Variants in PI4KA observed in about 807,000 individuals in gnomAD.
The protein encoded by PI4KA is PI4-kinase alpha.
In PI4KA, 122 loss-of-function variants were observed where a neutral mutation model predicts 271.4. The observed-to-expected ratio is 0.45, with a 90% CI of 0.39 to 0.52. PI4KA has a LOEUF of 0.52. Among genes scored for constraint, PI4KA ranks in the 20% least tolerant of loss-of-function variants. The pLI is 0.00. For synonymous variants in PI4KA, 1,041 were observed against 1,078.8 expected, an observed-to-expected ratio of 0.96 and a Z score of 0.69; for missense variants, 1,969 against 2,769.1, an observed-to-expected ratio of 0.71 and a Z score of 6.48.
chr22:20,797,457 T>C (rs981332027), intron 17 of PI4KA, among the ~76,000 whole-genome samples: 5 of 151,774 alleles, frequency 3.3e-5, no homozygotes, highest in Non-Finnish European at 5.9e-5. Flanking sequence ...AAGGAAGCAA[T>C]GTGTTGGCCT....
intron 10 of PI4KA, among the ~76,000 whole-genome samples, chr22:20,806,196 T>C (rs1032492241): frequency 1.3e-5 from 2 of 152,174 alleles, no homozygotes; most frequent in African/African-American, 4.8e-5. Flanking sequence ...TGACAAAATA[T>C]TATGTGCTCA....
At chr22:20,732,256 T>C (rs942757657) in intron 36 of PI4KA, among the ~76,000 whole-genome samples, 1 of 152,136 alleles carries the variant, frequency 6.6e-6, no homozygotes, top group Non-Finnish European at 1.5e-5. Flanking sequence ...GGTGAGCACC[T>C]GTAGTTCCAG....
intron 41 of PI4KA, 43 bp from the exon 42 acceptor site, chr22:20,726,584 A>G: frequency 6.5e-7 from 1 of 1,545,092 alleles, no homozygotes; most frequent in Non-Finnish European, 8.8e-7. Flanking sequence ...CTGAGAGCAG[A>G]GCCACCCAAC....
intron 3 of PI4KA, among the ~76,000 whole-genome samples, chr22:20,827,099 T>TCATTAAATTTTTGC (rs895586501): frequency 2.0e-5 from 3 of 152,224 alleles, no homozygotes; most frequent in African/African-American, 7.2e-5. Flanking sequence ...GGCATCTTTG[T>TCATTAAATTTTTGC]CATTAAATTT....
At chr22:20,836,758 C>T (rs1246645730) in intron 2 of PI4KA, among the ~76,000 whole-genome samples, 2 of 152,190 alleles carry the variant, frequency 1.3e-5, no homozygotes, top group African/African-American at 4.8e-5. Flanking sequence ...CGGTGGGCTG[C>T]CCTGGACATA....
chr22:20,721,153 T>C, intron 43 of PI4KA, 145 bp downstream of exon 43: 1 of 797,166 alleles, frequency 1.3e-6, no homozygotes, highest in East Asian at 2.5e-5. Context: ...TGCTGAAAGG[T>C]GAGAAGTGCC....
intron 12 of PI4KA, among the ~76,000 whole-genome samples, chr22:20,803,612 C>T (rs1450486705): frequency 6.6e-6 from 1 of 152,228 alleles, no homozygotes; most frequent in East Asian, 1.9e-4. Context: ...GCAGCCTTGA[C>T]TTACTGGGCT....
At chr22:20,759,890 G>T (rs1390484343) in intron 23 of PI4KA, among the ~76,000 whole-genome samples, 1 of 151,974 alleles carries the variant, frequency 6.6e-6, no homozygotes, top group African/African-American at 2.4e-5. Context: ...AGTAGAGACG[G>T]GGTTTCACCA....
chr22:20,774,505 G>A (rs1454925864), intron 19 of PI4KA, among the ~76,000 whole-genome samples: 4 of 152,242 alleles, frequency 2.6e-5, no homozygotes, highest in Non-Finnish European at 4.4e-5. Context: ...GCTCACGCCT[G>A]TAATCCCAAC....
intron 19 of PI4KA, chr22:20,787,178 C>A: frequency 1.0e-6 from 1 of 1,003,238 alleles, no homozygotes; most frequent in Non-Finnish European, 1.5e-6. Flanking sequence ...CGCTACCAAT[C>A]TGAATTCGAG....
At position 20,749,053 on chromosome 22, in the gene PI4KA, T is replaced by C. The variant is rs117147944; in HGVS notation, c.3243+852A>G. 1.6e-4 allele frequency among the ~76,000 whole-genome samples: 25 copies of C among 152,344 alleles called. No individual in the cohort carries two copies. The East Asian group carries it at 4.1e-3, about 25-fold the overall frequency. On this transcript the variant is annotated intron_variant, in intron 28 of 54. Transcript: ENST00000255882. The stretch of plus-strand genomic sequence containing the variant: ...AGCTGCTTTTTTTGTCCACTTAAAC[T>C]TTCTAGGCATTAGAGGGGGCCTCCC...
intron 17 of PI4KA, chr22:20,798,338 A>G: frequency 2.1e-6 from 1 of 481,986 alleles, no homozygotes; most frequent in South Asian, 2.2e-5. Flanking sequence ...GGTCAGCTGC[A>G]TGTGCAGCAT....
At chr22:20,773,685 C>T (rs1007409075) in intron 19 of PI4KA, among the ~76,000 whole-genome samples, 2 of 152,184 alleles carry the variant, frequency 1.3e-5, no homozygotes, top group Non-Finnish European at 2.9e-5. Context: ...CGCCTAGTAG[C>T]TGAGCCAGCC....
At position 20,816,017 on chromosome 22, in the gene PI4KA, G is replaced by A. The variant is rs147704130; in HGVS notation, c.856+2466C>T. ...TGCAGTGTCACGATGTCTGCTCACC[G>A]CAACCTGCGTCTCCCAGGTTCAAGT... On this transcript the variant is annotated intron_variant, in intron 7 of 54. Transcript: ENST00000255882. 2.5e-3 allele frequency among the ~76,000 whole-genome samples: 373 copies of A among 151,274 alleles called. 1 individual carries two copies. Among genetic ancestry groups the A allele is most frequent in the African/African-American group, 8.6e-3 (355 of 41,208 alleles).
chr22:20,771,986 T>G (rs900783061), intron 19 of PI4KA, among the ~76,000 whole-genome samples: 5 of 152,208 alleles, frequency 3.3e-5, no homozygotes, highest in Non-Finnish European at 5.9e-5. Context: ...TCCCAGACCA[T>G]TTCTGTGAAT....
At position 20,765,579 on chromosome 22, in the gene PI4KA, C is replaced by G. The variant is rs200009013; in HGVS notation, c.2437+6G>C. The G allele has an allele frequency of 6.4e-7, 1 of 1,569,410 alleles. No homozygotes were observed. The highest frequency in any genetic ancestry group is 1.3e-5 in the African/African-American group (1 of 74,250). ...GTCTTCACTGGGAGAGAGATGATCC[C>G]CCTACCTGAGCCCTCCACAGCGAAT... is the stretch of plus-strand genomic sequence containing the variant. On this transcript the variant is annotated splice_donor_region_variant and intron_variant, in intron 20 of 54. Transcript: ENST00000255882.
rs367918669 is a variant in PI4KA at position 20,769,625 on chromosome 22, C to T, written c.2329-3932G>A. On this transcript the variant is annotated intron_variant, in intron 19 of 54. Transcript: ENST00000255882. ...CCGAGGTTGCAGTGAGCCAAGATTG[C>T]GCCACTGCACTGCAGCCTGGGCGAC... Among the ~76,000 whole-genome samples, 281 of 150,158 alleles carry T rather than the reference C, an allele frequency of 1.9e-3. 4 individuals are homozygous for T. The highest frequency in any genetic ancestry group is 6.8e-3 in the Middle Eastern group (2 of 292).
intron 8 of PI4KA, among the ~76,000 whole-genome samples, chr22:20,812,230 C>T (rs1333089106): frequency 6.6e-6 from 1 of 152,116 alleles, no homozygotes; most frequent in Admixed American, 6.6e-5. Context: ...AGGTAGTTTT[C>T]CTTCTTGACA....
chr22:20,761,079 T>C (rs1931915197), intron 23 of PI4KA, among the ~76,000 whole-genome samples: 1 of 152,182 alleles, frequency 6.6e-6, no homozygotes, highest in Non-Finnish European at 1.5e-5. Flanking sequence ...CACTTGAGCA[T>C]AGATAGTGGG....
Sources: gnomAD v4.1 joint callset for allele counts (sites outside exome capture counted in the v4.1 genomes callset) on GRCh38, gnomAD v4.1.1 for gene constraint, MANE v1.5 for transcripts, NCBI Gene and HGNC (gene_info 2026-07-23, HGNC 2026-07-21) for gene names.